The following PKN2 variants were observed in gnomAD, a reference collection of about 807,000 sequenced individuals.
PKN2 encodes the protein protein kinase N2.
Under a neutral mutation model 119.1 loss-of-function variants are expected in PKN2, and 38 were observed. The observed-to-expected ratio is 0.32, with a 90% CI of 0.25 to 0.42. The LOEUF (loss-of-function observed/expected upper bound fraction) is 0.42, where lower values mean the gene tolerates loss of function less well. Ranked by LOEUF, PKN2 falls within the 10% of genes least tolerant of loss-of-function variation. The pLI, the probability that PKN2 is intolerant of heterozygous loss-of-function variation, is 1.00. For missense variants in PKN2, 850 were observed against 1,165.1 expected, an observed-to-expected ratio of 0.73 and a Z score of 3.94; for synonymous variants, 390 against 384.9, an observed-to-expected ratio of 1.01 and a Z score of -0.15.
chr1:88,749,828 T>C (rs543422607), intron 2 of PKN2, among the ~76,000 whole-genome samples: 29 of 152,354 alleles, frequency 1.9e-4, no homozygotes, highest in Admixed American at 1.8e-3. Context: ...TAATTTAGAT[T>C]TGGCTAAGTT....
chr1:88,721,437 C>G lies in PKN2; in HGVS notation c.49-19551C>G, dbSNP rs1332227366. Among the ~76,000 whole-genome samples, 3 of 152,004 alleles carry G rather than the reference C, an allele frequency of 2.0e-5. No individual in the cohort carries two copies. In the East Asian group the frequency reaches 5.8e-4, roughly 29 times the overall value. On this transcript the variant is annotated intron_variant, in intron 1 of 21. Transcript: ENST00000370521. ...TATACGGAACTAATTATCATTATTT[C>G]TTATATTGTTAGAACTGTGGACACA...
chr1:88,800,902 A>G (rs543103653), intron 8 of PKN2, among the ~76,000 whole-genome samples: 1 of 152,324 alleles, frequency 6.6e-6, no homozygotes, highest in Non-Finnish European at 1.5e-5. Context: ...ACAAACTGAA[A>G]CACAAGTTGG....
chr1:88,808,661 A>C (rs957626731), intron 15 of PKN2, among the ~76,000 whole-genome samples: 1 of 152,170 alleles, frequency 6.6e-6, no homozygotes, highest in African/African-American at 2.4e-5. Flanking sequence ...TCACTTAGAG[A>C]ATATACTTTA....
Position 88,813,547 on chromosome 1 carries a change from T to C in PKN2, c.2103-10T>C. ...TTAATCTGCTTATTTTAAAATATTT[T>C]CTTTTACAGCCTGATGTGTGAAAAA... On this transcript the variant is annotated splice_polypyrimidine_tract_variant and intron_variant, in intron 15 of 21. Coordinates refer to ENST00000370521, the MANE Select transcript of PKN2 (RefSeq NM_006256.4). 1 of 1,517,734 alleles carries C rather than the reference T, an allele frequency of 6.6e-7. No homozygotes were observed. Among genetic ancestry groups the C allele is most frequent in the South Asian group, 1.3e-5 (1 of 79,586 alleles). 94.0% of individuals were successfully genotyped at this position (1,517,734 alleles called of 1,614,324 possible). A position where few individuals can be genotyped will look rare whatever the true frequency, so the allele number is the denominator to read the frequency against.
At chr1:88,784,422 G>A (rs1057321877) in intron 6 of PKN2, among the ~76,000 whole-genome samples, 1 of 151,964 alleles carries the variant, frequency 6.6e-6, no homozygotes, top group Non-Finnish European at 1.5e-5. Context: ...AGGAGGTGCT[G>A]TTCTTTTCTA....
At chr1:88,764,083 T>G (rs1211181744) in intron 3 of PKN2, among the ~76,000 whole-genome samples, 2 of 152,206 alleles carry the variant, frequency 1.3e-5, no homozygotes, top group Non-Finnish European at 2.9e-5. Context: ...TCCCTCATAC[T>G]TAGGACAAAA....
At chr1:88,819,337 A>T (rs939611722) in intron 16 of PKN2, among the ~76,000 whole-genome samples, 1 of 152,222 alleles carries the variant, frequency 6.6e-6, no homozygotes. Context: ...AAGAAAAAAA[A>T]CAGCCCCATC....
At chr1:88,689,707 A>C (rs556269754) in intron 1 of PKN2, among the ~76,000 whole-genome samples, 23 of 152,288 alleles carry the variant, frequency 1.5e-4, no homozygotes, top group African/African-American at 5.5e-4. Flanking sequence ...ACTACTTGGG[A>C]GGCTGAGGCA....
At chr1:88,740,316 C>T (rs1487697871) in intron 1 of PKN2, among the ~76,000 whole-genome samples, 1 of 151,842 alleles carries the variant, frequency 6.6e-6, no homozygotes, top group Admixed American at 6.6e-5. Flanking sequence ...TCTATTTTGC[C>T]AATATTCATT....
intron 18 of PKN2, among the ~76,000 whole-genome samples, chr1:88,826,480 A>G (rs1453825535): frequency 1.3e-5 from 2 of 152,076 alleles, no homozygotes; most frequent in Non-Finnish European, 1.5e-5. Flanking sequence ...ATTTTGTTAC[A>G]TGCATAAATT....
rs565697228 is a variant in PKN2 at position 88,718,520 on chromosome 1, A to G, written c.49-22468A>G. 2.6e-5 allele frequency among the ~76,000 whole-genome samples: 4 copies of G among 152,356 alleles called. No individual in the cohort carries two copies. In the East Asian group the frequency reaches 7.7e-4, roughly 29 times the overall value. ...TTACAATGAGAAAAATGAATGAGAT[A>G]AAAGAAGCTTATGTATTAGGTTGAG... On this transcript the variant is annotated intron_variant, in intron 1 of 21. Transcript: ENST00000370521.
intron 1 of PKN2, among the ~76,000 whole-genome samples, chr1:88,711,479 T>C (rs762778522): frequency 5.5e-4 from 84 of 152,298 alleles, no homozygotes; most frequent in Middle Eastern, 6.8e-3. Flanking sequence ...TTTTTAATTA[T>C]TTTTTATTGA....
intron 16 of PKN2, among the ~76,000 whole-genome samples, chr1:88,814,689 C>G (rs1445363637): frequency 6.6e-6 from 1 of 152,082 alleles, no homozygotes; most frequent in Non-Finnish European, 1.5e-5. Context: ...AGGTTCAAGC[C>G]AGAACACAAA....
chr1:88,789,896 A>T (rs188078386), intron 8 of PKN2, among the ~76,000 whole-genome samples: 1 of 152,214 alleles, frequency 6.6e-6, no homozygotes, highest in Non-Finnish European at 1.5e-5. Flanking sequence ...TCCATAGATG[A>T]ACCAAGTTCT....
At chr1:88,719,819 G>C (rs928464955) in intron 1 of PKN2, among the ~76,000 whole-genome samples, 8 of 152,040 alleles carry the variant, frequency 5.3e-5, no homozygotes, top group Non-Finnish European at 1.0e-4. Flanking sequence ...GCTATATTTA[G>C]TAATAATGAT....
At chr1:88,763,151 G>C (rs1395195374) in intron 3 of PKN2, among the ~76,000 whole-genome samples, 1 of 152,140 alleles carries the variant, frequency 6.6e-6, no homozygotes, top group Non-Finnish European at 1.5e-5. Context: ...AAGTGGGTGA[G>C]GCATATTGAG....
At chr1:88,772,186 G>A (rs1669924086) in intron 6 of PKN2, among the ~76,000 whole-genome samples, 1 of 152,048 alleles carries the variant, frequency 6.6e-6, no homozygotes, top group African/African-American at 2.4e-5. Flanking sequence ...ACTACTAATT[G>A]TCTGTCTCTA....
chr1:88,724,567 G>A (rs1016959240), intron 1 of PKN2, among the ~76,000 whole-genome samples: 1 of 150,006 alleles, frequency 6.7e-6, no homozygotes, highest in African/African-American at 2.5e-5. Context: ...GTGTTCCAAG[G>A]GATTACTCTT....
chr1:88,735,769 T>G (rs1347150019), intron 1 of PKN2, among the ~76,000 whole-genome samples: 1 of 152,164 alleles, frequency 6.6e-6, no homozygotes, highest in Non-Finnish European at 1.5e-5. Context: ...ATTTTTGTCT[T>G]TGATCTTTGA....
Sources: allele counts gnomAD v4.1 joint callset (sites outside exome capture counted in the v4.1 genomes callset), GRCh38; gene constraint gnomAD v4.1.1; transcripts MANE v1.5; gene names NCBI Gene and HGNC (gene_info 2026-07-23, HGNC 2026-07-21).